DIDO1: variants seen among roughly 807,000 people sequenced by gnomAD.
DIDO1 encodes death-inducer obliterator 1.
DIDO1 carries 16 observed loss-of-function variants against 99.4 expected under a neutral mutation model. The observed-to-expected ratio is 0.16, with a 90% CI of 0.11 to 0.24. The LOEUF is 0.24. Ranked by LOEUF, DIDO1 falls within the 10% of genes least tolerant of loss-of-function variation. The pLI, the probability that DIDO1 is intolerant of heterozygous loss-of-function variation, is 1.00. For synonymous variants in DIDO1, 1,366 were observed against 1,239.1 expected, an observed-to-expected ratio of 1.10 and a Z score of -2.15; for missense variants, 2,996 against 3,014.0, an observed-to-expected ratio of 0.99 and a Z score of 0.14.
chr20:62,936,236 G>C (rs1244270877), intron 1 of DIDO1, among the ~76,000 whole-genome samples: 1 of 152,058 alleles, frequency 6.6e-6, no homozygotes, highest in African/African-American at 2.4e-5. Flanking sequence ...AAGAAGGCAA[G>C]ACCCCGTCTC....
intron 13 of DIDO1, among the ~76,000 whole-genome samples, 200 bp downstream of exon 13, chr20:62,892,609 C>A (rs2064422611): frequency 6.6e-6 from 1 of 152,232 alleles, no homozygotes; most frequent in Non-Finnish European, 1.5e-5. Context: ...GTCCAAACTG[C>A]TGAACCTGCG....
At chr20:62,937,412 C>T (rs1266816774) in intron 1 of DIDO1, among the ~76,000 whole-genome samples, 2 of 152,196 alleles carry the variant, frequency 1.3e-5, no homozygotes, top group Non-Finnish European at 2.9e-5. Flanking sequence ...TGCCCCGCGC[C>T]GCCGCCGGGA....
intron 15 of DIDO1, among the ~76,000 whole-genome samples, chr20:62,886,240 T>C (rs2064296047): frequency 6.6e-6 from 1 of 152,236 alleles, no homozygotes; most frequent in Non-Finnish European, 1.5e-5. Context: ...CCCCTGCACT[T>C]CCACTGAAGG....
chr20:62,896,400 GAAT>G lies in DIDO1; in HGVS notation c.2055-11_2055-9del, dbSNP rs376548485. 1.2e-6 allele frequency: 2 copies of G among 1,600,966 alleles called. No homozygotes were observed. Among genetic ancestry groups the G allele is most frequent in the African/African-American group, 2.7e-5 (2 of 73,446 alleles). On this transcript the variant is annotated splice_polypyrimidine_tract_variant and intron_variant, in intron 7 of 15. Transcript: ENST00000395343. This position sits in a 1 kb window ranked among gnomAD's most constrained non-coding sequence, Gnocchi z 4.4. Reference sequence around the variant, plus strand: ...TCATCGCTGTCATTGACTCTGAACAGAATAAAAAAAAGGAACTACATAAGACAC... The same window carrying G: ...TCATCGCTGTCATTGACTCTGAACAGAAAAAAAAGGAACTACATAAGACAC...
At position 62,911,358 on chromosome 20, in the gene DIDO1, G is replaced by A; in HGVS notation, c.255C>T (p.Gly85=). ...EQFLTIARRR[G]RRSMPVSLED... is the part of the protein sequence containing the mutation. ...CCAGGGAGACAGGCATGCTCCTCCT[G>A]CCGCGGCGCCGCGCAATGGTCAGGA... Residue 85 remains glycine, a synonymous_variant, in exon 3 of 16, where the codon GGC becomes GGT. Coordinates refer to ENST00000395343, the MANE Select transcript of DIDO1 (RefSeq NM_001193369.2). This position sits in a 1 kb window ranked among gnomAD's most constrained non-coding sequence, Gnocchi z 7.0. 1 of 1,609,810 alleles carries A rather than the reference G, an allele frequency of 6.2e-7. No individual in the cohort carries two copies. The highest frequency in any genetic ancestry group is 8.5e-7 in the Non-Finnish European group (1 of 1,179,968).
At chr20:62,927,699 C>T (rs2065278354), upstream of DIDO1, among the ~76,000 whole-genome samples, 1 of 152,246 alleles carries the variant, frequency 6.6e-6, no homozygotes, top group East Asian at 1.9e-4. Context: ...CATGGATGAA[C>T]CAGGGGCTTT....
chr20:62,894,573 T>C lies in DIDO1; in HGVS notation c.2437-25A>G, dbSNP rs2064474627. The C allele has an allele frequency of 1.4e-5, 22 of 1,599,924 alleles. No individual in the cohort carries two copies. The highest frequency in any genetic ancestry group is 1.8e-5 in the Non-Finnish European group (21 of 1,176,086). ...CCTAAAAAAGAAAAAGAAAAAAAAG[T>C]GAGGTCGTTTCTTCTCCAAACTCAG... On this transcript the variant is annotated intron_variant, in intron 10 of 15. Coordinates refer to ENST00000395343, the MANE Select transcript of DIDO1 (RefSeq NM_001193369.2). The surrounding 1 kb of genome is among the most constrained non-coding windows in gnomAD (Gnocchi z 4.4).
Position 62,909,847 on chromosome 20 carries a change from G to A in DIDO1, c.1013C>T (p.Ala338Val), listed in dbSNP as rs372533635. The change falls in exon 4 of 16, where the codon GCT becomes GTT. Residue 338 changes from alanine (A) to valine (V), a missense_variant. By Grantham distance (64) the Ala-to-Val change is moderately conservative (BLOSUM62 0). This residue lies in a region of DIDO1 where 898 missense variants were observed against 972.7 expected (regional missense o/e 0.92). Coordinates refer to ENST00000395343, the MANE Select transcript of DIDO1 (RefSeq NM_001193369.2). Reference protein sequence around the residue: ...THSETADQQEAKWRPGDADGT... With the variant: ...THSETADQQEVKWRPGDADGT... ...ATCAGCATCTCCAGGTCTCCATTTAGCTTCCTGCTGATCTGCCGTTTCTGA... is the reference window on the plus strand; with the variant it reads ...ATCAGCATCTCCAGGTCTCCATTTAACTTCCTGCTGATCTGCCGTTTCTGA... The A allele has an allele frequency of 1.2e-6, 2 of 1,614,066 alleles. No homozygotes were observed. Among genetic ancestry groups the A allele is most frequent in the African/African-American group, 2.7e-5 (2 of 74,924 alleles).
chr20:62,901,545 A>G (rs1004509152), intron 6 of DIDO1, among the ~76,000 whole-genome samples: 8 of 90,578 alleles, frequency 8.8e-5, no homozygotes, highest in East Asian at 4.4e-4. Flanking sequence ...GGGGCATGTT[A>G]AAATTAGTCC....
rs140873093 is a variant in DIDO1, at chr20:62,909,844, T to C, written c.1016A>G (p.Lys339Arg). 419 of 1,614,238 alleles carry C rather than the reference T, an allele frequency of 2.6e-4. 1 individual carries two copies. In the African/African-American group the frequency reaches 4.9e-3, roughly 19 times the overall value. The change falls in exon 4 of 16, where the codon AAA (lysine) becomes AGA (arginine). Residue 339 changes from lysine (K) to arginine (R), a missense_variant. Coordinates refer to ENST00000395343, the MANE Select transcript of DIDO1 (RefSeq NM_001193369.2). ...HSETADQQEAKWRPGDADGTD... is the reference protein window; with the variant it reads ...HSETADQQEARWRPGDADGTD... ...GCCATCAGCATCTCCAGGTCTCCAT[T>C]TAGCTTCCTGCTGATCTGCCGTTTC... is the stretch of plus-strand genomic sequence containing the variant.
chr20:62,934,502 T>C (rs1050473042), intron 1 of DIDO1, among the ~76,000 whole-genome samples: 1 of 152,172 alleles, frequency 6.6e-6, no homozygotes, highest in African/African-American at 2.4e-5. Flanking sequence ...TATAAATTCA[T>C]AGGCCAGAAG....
At chr20:62,906,278 G>GGTGGGCCCGCA (rs1157977189) in intron 5 of DIDO1, among the ~76,000 whole-genome samples, 178 bp from the exon 6 acceptor site, 3 of 152,134 alleles carry the variant, frequency 2.0e-5, no homozygotes, top group African/African-American at 7.2e-5. Context: ...GTGGGCCCGC[G>GGTGGGCCCGCA]GTGGGCCCGC....
At chr20:62,920,842 T>C (rs1452945662) in intron 1 of DIDO1, among the ~76,000 whole-genome samples, 1 of 152,236 alleles carries the variant, frequency 6.6e-6, no homozygotes, top group African/African-American at 2.4e-5. Flanking sequence ...GTTTTCGTCA[T>C]TGAAAACAGG....
chr20:62,880,346 A>C lies in DIDO1; in HGVS notation c.5610T>G (p.Phe1870Leu), dbSNP rs779289595. 6.2e-6 allele frequency: 10 copies of C among 1,612,692 alleles called. No individual in the cohort carries two copies. The highest frequency in any genetic ancestry group is 1.7e-5 in the Admixed American group (1 of 60,014). Residue 1870 changes from phenylalanine (F) to leucine (L), a missense_variant, in exon 16 of 16, where the codon TTT becomes TTG. Physicochemically the swap from Phe to Leu is conservative, Grantham distance 22. Transcript: ENST00000395343. ...GAAATGGGGCTTGCTCTGTCCCTTC[A>C]AACTGGGCGGGGGCGCCCGTCACCT... ...YNEVTGAPAQ[F>L]EGTEQAPFLG... is the part of the protein sequence containing the mutation.
intron 1 of DIDO1, among the ~76,000 whole-genome samples, chr20:62,917,681 T>TA (rs1170736605): frequency 6.6e-6 from 1 of 152,046 alleles, no homozygotes; most frequent in African/African-American, 2.4e-5. Context: ...ACAGCGAAAG[T>TA]AAAAAAGATG....
intron 1 of DIDO1, among the ~76,000 whole-genome samples, chr20:62,936,880 A>T (rs1319980623): frequency 6.6e-6 from 1 of 152,262 alleles, no homozygotes; most frequent in African/African-American, 2.4e-5. Context: ...TAACTAAATA[A>T]AGACCAATAA....
intron 1 of DIDO1, among the ~76,000 whole-genome samples, chr20:62,936,631 C>T (rs2065388307): frequency 6.6e-6 from 1 of 152,056 alleles, no homozygotes; most frequent in South Asian, 2.1e-4. Flanking sequence ...TTTGGGAGTC[C>T]GAGGCGGGCG....
In DIDO1 at chr20:62,893,540, G is replaced by C. The variant is rs1246206982; in HGVS notation, c.3101+126C>G. On this transcript the variant is annotated intron_variant, in intron 12 of 15. Coordinates refer to ENST00000395343, the MANE Select transcript of DIDO1 (RefSeq NM_001193369.2). ...ACCCTACAACTGGGGCTTTTTAAAA[G>C]ATGAAAGAGTGAAGCTGTATTTCAG... The C allele has an allele frequency of 5.9e-6, 7 of 1,177,980 alleles. No individual in the cohort carries two copies. In the African/African-American group the frequency reaches 9.2e-5, roughly 16 times the overall value. The allele number at this position is 1,177,980 out of a possible 1,614,324, so 73.0% of individuals were successfully genotyped here.
Position 62,896,143 on chromosome 20 carries a change from G to A in DIDO1, c.2214+90C>T. The A allele has an allele frequency of 1.5e-6, 2 of 1,319,284 alleles. No individual in the cohort carries two copies. The highest frequency in any genetic ancestry group is 2.1e-6 in the Non-Finnish European group (2 of 957,788). 81.7% of individuals were successfully genotyped at this position (1,319,284 alleles called of 1,614,324 possible). On this transcript the variant is annotated intron_variant, in intron 8 of 15. Coordinates refer to ENST00000395343, the MANE Select transcript of DIDO1 (RefSeq NM_001193369.2). This position sits in a 1 kb window ranked among gnomAD's most constrained non-coding sequence, Gnocchi z 4.4. ...AGAAACGTCTTAGCTTTCCTGGAAAGGACACGAACATCTCAAAATATTGGT... is the reference window on the plus strand; with the variant it reads ...AGAAACGTCTTAGCTTTCCTGGAAAAGACACGAACATCTCAAAATATTGGT...
Sources: allele counts gnomAD v4.1 joint callset (sites outside exome capture counted in the v4.1 genomes callset), GRCh38; gene constraint gnomAD v4.1.1; regional missense constraint gnomAD v4.1.1; non-coding constraint Gnocchi (gnomAD v3.1); transcripts MANE v1.5; gene names NCBI Gene and HGNC (gene_info 2026-07-23, HGNC 2026-07-21).